The following PARN variants were observed in gnomAD, a reference collection of about 807,000 sequenced individuals.
PARN encodes poly(A)-specific ribonuclease, also known as poly(A)-specific ribonuclease PARN.
A neutral mutation model predicts 102.8 loss-of-function variants in PARN; 71 were observed. The observed-to-expected ratio is 0.69, with a 90% CI of 0.57 to 0.84. PARN has a LOEUF of 0.84. PARN is among the 40% of genes least tolerant of loss of function. The pLI is 0.00. For missense variants in PARN, 782 were observed against 760.9 expected, an observed-to-expected ratio of 1.03 and a Z score of -0.33; for synonymous variants, 261 against 252.9, an observed-to-expected ratio of 1.03 and a Z score of -0.30.
intron 21 of PARN, among the ~76,000 whole-genome samples, chr16:14,551,376 C>T (rs142618399): frequency 6.6e-4 from 101 of 152,020 alleles, no homozygotes; most frequent in African/African-American, 2.2e-3. Flanking sequence ...TGAGACCAAA[C>T]CGGCCAACAT....
chr16:14,519,107 AGT>A (rs1157735771), intron 21 of PARN, among the ~76,000 whole-genome samples: 2 of 151,720 alleles, frequency 1.3e-5, no homozygotes, highest in African/African-American at 4.9e-5. Context: ...TACCATCTCC[AGT>A]GTCATTGAGA....
intron 21 of PARN, among the ~76,000 whole-genome samples, chr16:14,484,301 G>C (rs1264925471): frequency 1.3e-5 from 2 of 152,162 alleles, no homozygotes; most frequent in Non-Finnish European, 2.9e-5. Context: ...TGGCGGCATG[G>C]GAGTGAGGAT....
chr16:14,531,838 T>C (rs1429361321), intron 21 of PARN, among the ~76,000 whole-genome samples: 1 of 151,428 alleles, frequency 6.6e-6, no homozygotes, highest in Non-Finnish European at 1.5e-5. Flanking sequence ...ACTGGTTAGA[T>C]GTAATATTTT....
chr16:14,440,349 A>T (rs1432167338), intron 23 of PARN, among the ~76,000 whole-genome samples: 1 of 152,228 alleles, frequency 6.6e-6, no homozygotes, highest in Non-Finnish European at 1.5e-5. Flanking sequence ...GTGTGTATCA[A>T]TATCAAGTAC....
At chr16:14,593,194 G>GAA (rs1970301191) in intron 13 of PARN, 107 bp downstream of exon 13, 1 of 646,734 alleles carries the variant, frequency 1.5e-6, no homozygotes, top group African/African-American at 1.9e-5. Context: ...TGCATACAAG[G>GAA]AAATGGCACC....
intron 22 of PARN, among the ~76,000 whole-genome samples, chr16:14,478,789 TC>T (rs1963214048): frequency 6.6e-6 from 1 of 152,228 alleles, no homozygotes. Context: ...GAATTATATT[TC>T]TTTTTTTTGA....
At chr16:14,579,191 C>T (rs901154243) in intron 18 of PARN, among the ~76,000 whole-genome samples, 2 of 152,236 alleles carry the variant, frequency 1.3e-5, no homozygotes, top group African/African-American at 4.8e-5. Context: ...TGGTCTCGAA[C>T]TCCTGACCTC....
intron 21 of PARN, among the ~76,000 whole-genome samples, chr16:14,538,629 A>T (rs967734329): frequency 1.3e-5 from 2 of 152,088 alleles, no homozygotes; most frequent in African/African-American, 4.8e-5. Context: ...AATTAGAGAG[A>T]TTTATTCAAT....
At chr16:14,589,773 A>G (rs12446305) in intron 13 of PARN, among the ~76,000 whole-genome samples, 3,138 of 152,030 alleles carry the variant, frequency 0.021, 44 homozygotes, top group Non-Finnish European at 0.032. Context: ...AGGCTGAGGC[A>G]GAAGAATCGC....
At chr16:14,605,252 C>T (rs1971112835) in intron 10 of PARN, among the ~76,000 whole-genome samples, 1 of 152,166 alleles carries the variant, frequency 6.6e-6, no homozygotes, top group South Asian at 2.1e-4. Flanking sequence ...CCACTGTAGT[C>T]TTTCATGAGC....
Position 14,621,466 on chromosome 16 carries a change from G to T in PARN, c.328-3816C>A, listed in dbSNP as rs185768619. ...GCCACTGAGCTATACATTTAAATAC[G>T]GTTAGAATAGTAAAATTTATGTTAC... On this transcript the variant is annotated intron_variant, in intron 5 of 23. Transcript: ENST00000437198. Among the ~76,000 whole-genome samples, 5 of 152,192 alleles carry T rather than the reference G, an allele frequency of 3.3e-5. No homozygotes were observed. In the East Asian group the frequency reaches 7.7e-4, roughly 23 times the overall value.
intron 12 of PARN, among the ~76,000 whole-genome samples, chr16:14,598,925 GA>G (rs1327536049): frequency 6.6e-6 from 1 of 151,874 alleles, no homozygotes; most frequent in Admixed American, 6.6e-5. Flanking sequence ...TCAAATAAGA[GA>G]ATGTCCTAGA....
chr16:14,542,123 G>A (rs1966844904), intron 21 of PARN, among the ~76,000 whole-genome samples: 1 of 151,734 alleles, frequency 6.6e-6, no homozygotes, highest in Non-Finnish European at 1.5e-5. Context: ...TCTCACCTCA[G>A]CCTCCTAAGT....
chr16:14,626,031 G>C (rs540001048), intron 5 of PARN, among the ~76,000 whole-genome samples: 1 of 152,300 alleles, frequency 6.6e-6, no homozygotes, highest in Admixed American at 6.5e-5. Flanking sequence ...AACACCTCTA[G>C]AGGGAATATC....
chr16:14,596,262 G>A (rs1325675747), intron 12 of PARN, among the ~76,000 whole-genome samples: 1 of 152,044 alleles, frequency 6.6e-6, no homozygotes, highest in African/African-American at 2.4e-5. Context: ...AGAAAAGGAT[G>A]GGGGGCTTGT....
chr16:14,490,116 C>T (rs1156674033), intron 21 of PARN, among the ~76,000 whole-genome samples: 1 of 152,038 alleles, frequency 6.6e-6, no homozygotes, highest in African/African-American at 2.4e-5. Flanking sequence ...TGAGATCGTG[C>T]CATTGCACTC....
chr16:14,440,341 G>A (rs948933999), intron 23 of PARN, among the ~76,000 whole-genome samples: 2 of 152,208 alleles, frequency 1.3e-5, no homozygotes, highest in African/African-American at 4.8e-5. Context: ...CAAAAGGGGT[G>A]TGTATCAATA....
rs542556834 is a variant in PARN at position 14,565,936 on chromosome 16, T to A, written c.1263-10227A>T. On this transcript the variant is annotated intron_variant, in intron 18 of 23. Coordinates refer to ENST00000437198, the MANE Select transcript of PARN (RefSeq NM_002582.4). ...GGTGTTCAATCGATAAGCTATTTGA[T>A]AGGTAGCCCAAATTTCTTAGAGTAT... Among the ~76,000 whole-genome samples the A allele has an allele frequency of 8.5e-5, 13 of 152,350 alleles. No individual in the cohort carries two copies. The East Asian group carries it at 1.7e-3, about 20-fold the overall frequency.
chr16:14,466,228 GT>G (rs1962341861), intron 22 of PARN, among the ~76,000 whole-genome samples: 1 of 152,174 alleles, frequency 6.6e-6, no homozygotes, highest in Non-Finnish European at 1.5e-5. Flanking sequence ...GAAAGTGGTT[GT>G]CTCTGAGGGA....
Sources: allele counts gnomAD v4.1 joint callset (sites outside exome capture counted in the v4.1 genomes callset), GRCh38; gene constraint gnomAD v4.1.1; transcripts MANE v1.5; gene names NCBI Gene and HGNC (gene_info 2026-07-23, HGNC 2026-07-21).